Variants in EPB41L5 observed in about 807,000 individuals in gnomAD.
The protein encoded by EPB41L5 is erythrocyte membrane protein band 4.1 like 5.
Under a neutral mutation model 106.6 loss-of-function variants are expected in EPB41L5, and 55 were observed. The observed-to-expected ratio is 0.52, with a 90% CI of 0.42 to 0.65. The LOEUF (loss-of-function observed/expected upper bound fraction) is 0.65. EPB41L5 is among the 30% of genes least tolerant of loss of function. The probability of loss-of-function intolerance (pLI) is 0.00; values close to 1 mark genes in which losing one functional copy is unlikely to be tolerated. For missense variants in EPB41L5, 871 were observed against 882.1 expected (o/e 0.99, Z 0.16); for synonymous variants, 297 against 306.7 (o/e 0.97, Z 0.33).
At chr2:120,105,145 G>C in intron 16 of EPB41L5, 1 of 976,810 alleles carries the variant, frequency 1.0e-6, no homozygotes, top group Non-Finnish European at 1.2e-6. Context: ...TACTATTTTT[G>C]ATCCTTTTTA....
At position 120,100,257 on chromosome 2, in the gene EPB41L5, G is replaced by A. The variant is rs779930267; in HGVS notation, c.1192G>A (p.Val398Ile). The A allele has an allele frequency of 6.2e-7, 1 of 1,613,000 alleles. No individual in the cohort carries two copies. Reference sequence around the variant, plus strand: ...TTCCCATTACAGTGTTCACAATAATGTTTCGACCCAAAGTAATGGCTCCCA... The same window carrying A: ...TTCCCATTACAGTGTTCACAATAATATTTCGACCCAAAGTAATGGCTCCCA... ...KPEELSVHNN[V>I]STQSNGSQQA... Residue 398 changes from valine (V) to isoleucine (I), a missense_variant, in exon 15 of 25, where the codon GTT becomes ATT. Val to Ile is a conservative substitution (Grantham distance 29). Coordinates refer to ENST00000263713, the MANE Select transcript of EPB41L5 (RefSeq NM_020909.4).
At chr2:120,100,855 T>A (rs1186209241) in intron 16 of EPB41L5, 41 bp downstream of exon 16, 4 of 1,319,468 alleles carry the variant, frequency 3.0e-6, no homozygotes, top group Non-Finnish European at 4.3e-6. Context: ...ATTGCCTAGT[T>A]AATTGTATTT....
At chr2:120,089,393 T>A (rs890670012) in intron 11 of EPB41L5, among the ~76,000 whole-genome samples, 1 of 152,108 alleles carries the variant, frequency 6.6e-6, no homozygotes, top group African/African-American at 2.4e-5. Flanking sequence ...CATATATATT[T>A]TGTAACTTTT....
At chr2:120,084,359 T>G (rs908043915) in intron 10 of EPB41L5, among the ~76,000 whole-genome samples, 3 of 152,174 alleles carry the variant, frequency 2.0e-5, no homozygotes, top group African/African-American at 4.8e-5. Flanking sequence ...GTCTGTAAAC[T>G]ATTTTATTTC....
chr2:120,146,600 C>G (rs1482932789), intron 20 of EPB41L5, among the ~76,000 whole-genome samples: 2 of 152,226 alleles, frequency 1.3e-5, no homozygotes, highest in Non-Finnish European at 2.9e-5. Flanking sequence ...AGTAAACTTT[C>G]ATGTCATCCT....
At chr2:120,114,740 G>A (rs568970763) in intron 16 of EPB41L5, among the ~76,000 whole-genome samples, 26 of 152,216 alleles carry the variant, frequency 1.7e-4, no homozygotes, top group South Asian at 4.1e-4. Flanking sequence ...AGAATGTTCC[G>A]TTTGTACTTG....
At chr2:120,100,006 G>A (rs1481326673) in intron 14 of EPB41L5, among the ~76,000 whole-genome samples, 2 of 152,088 alleles carry the variant, frequency 1.3e-5, no homozygotes, top group Non-Finnish European at 2.9e-5. Flanking sequence ...TTAAAATATA[G>A]GTGTATGGAA....
chr2:120,161,547 T>C (rs1687141692), intron 21 of EPB41L5, among the ~76,000 whole-genome samples: 1 of 152,210 alleles, frequency 6.6e-6, no homozygotes, highest in African/African-American at 2.4e-5. Flanking sequence ...TCATTTCCTT[T>C]TAAGATACAG....
Position 120,151,014 on chromosome 2 carries a change from TTCTG to T in EPB41L5, c.1793+4729_1793+4732del, listed in dbSNP as rs1686647526. On this transcript the variant is annotated intron_variant, in intron 20 of 24. Transcript: ENST00000263713. ...CCAGTATAGGAAACATATTTAGATC[TTCTG>T]TCTATTTTCAGTTAATTTTTTCAGC... Among the ~76,000 whole-genome samples the T allele has an allele frequency of 6.6e-5, 10 of 152,290 alleles. No individual in the cohort carries two copies. The South Asian group carries it at 1.7e-3, about 25-fold the overall frequency.
intron 3 of EPB41L5, among the ~76,000 whole-genome samples, chr2:120,068,424 T>C (rs1210773137): frequency 6.6e-6 from 1 of 152,158 alleles, no homozygotes; most frequent in Non-Finnish European, 1.5e-5. Context: ...TGGATCTCAC[T>C]CCCATGGAGC....
At chr2:120,123,659 T>A (rs1184356019) in intron 16 of EPB41L5, among the ~76,000 whole-genome samples, 1 of 136,880 alleles carries the variant, frequency 7.3e-6, no homozygotes, top group Non-Finnish European at 1.6e-5. Flanking sequence ...TTTTTTTTTT[T>A]TTTTTTTTTT....
intron 14 of EPB41L5, among the ~76,000 whole-genome samples, chr2:120,093,762 G>A (rs1683567180): frequency 6.6e-6 from 1 of 152,114 alleles, no homozygotes; most frequent in South Asian, 2.1e-4. Context: ...TAATGTCATT[G>A]TCTGGTTTTT....
intron 2 of EPB41L5, among the ~76,000 whole-genome samples, chr2:120,036,312 T>C (rs1277862591): frequency 2.0e-5 from 3 of 152,164 alleles, no homozygotes; most frequent in African/African-American, 7.2e-5. Flanking sequence ...CTGAGGGAGT[T>C]GTTTGTATAA....
chr2:120,088,549 T>C (rs1683215472), intron 11 of EPB41L5, among the ~76,000 whole-genome samples: 1 of 152,128 alleles, frequency 6.6e-6, no homozygotes, highest in Admixed American at 6.5e-5. Flanking sequence ...GACACGTGTT[T>C]ACCTATGTAA....
At chr2:120,162,552 T>G (rs1411163256) in intron 21 of EPB41L5, among the ~76,000 whole-genome samples, 1 of 152,244 alleles carries the variant, frequency 6.6e-6, no homozygotes, top group Non-Finnish European at 1.5e-5. Context: ...ATATCTTCAA[T>G]CAGGCATTTC....
intron 16 of EPB41L5, among the ~76,000 whole-genome samples, chr2:120,124,164 A>T (rs1337015013): frequency 6.6e-6 from 1 of 152,164 alleles, no homozygotes; most frequent in Non-Finnish European, 1.5e-5. Context: ...TCACTTCCCC[A>T]ACACAGGCAA....
chr2:120,074,241 A>G lies in EPB41L5; in HGVS notation c.407+63A>G, dbSNP rs376879895. The G allele has an allele frequency of 3.5e-5, 43 of 1,241,094 alleles. No homozygotes were observed. The African/African-American group carries it at 5.3e-4, about 15-fold the overall frequency. The allele number at this position is 1,241,094 out of a possible 1,614,324, so 76.9% of individuals were successfully genotyped here. A position where few individuals can be genotyped will look rare whatever the true frequency, so the allele number is the denominator to read the frequency against. On this transcript the variant is annotated intron_variant, in intron 5 of 24. Transcript: ENST00000263713. ...GATAGTTTTGAAAGACTGTCTTTAT[A>G]TTGTTTCCAATTTATAGCCAGCTAA...
At chr2:120,098,210 T>C (rs575605675) in intron 14 of EPB41L5, among the ~76,000 whole-genome samples, 59 of 108,368 alleles carry the variant, frequency 5.4e-4, no homozygotes, top group Admixed American at 1.3e-3. Flanking sequence ...TGGGGTTTTG[T>C]TGTTGTTGTT....
intron 2 of EPB41L5, among the ~76,000 whole-genome samples, chr2:120,035,681 TA>T (rs944289311): frequency 7.9e-5 from 12 of 152,096 alleles, no homozygotes; most frequent in African/African-American, 2.9e-4. Context: ...CCCCATCTCT[TA>T]AAAAAAATTG....
Sources: gnomAD v4.1 joint callset for allele counts (sites outside exome capture counted in the v4.1 genomes callset) on GRCh38, gnomAD v4.1.1 for gene constraint, MANE v1.5 for transcripts, NCBI Gene and HGNC (gene_info 2026-07-23, HGNC 2026-07-21) for gene names.